MAPK8: variants seen among roughly 807,000 people sequenced by gnomAD.
MAPK8 encodes mitogen-activated protein kinase 8, also known as JUN N-terminal kinase.
MAPK8 carries 13 observed loss-of-function variants against 52.9 expected under a neutral mutation model. The observed-to-expected ratio is 0.25, with a 90% CI of 0.16 to 0.39. The LOEUF (loss-of-function observed/expected upper bound fraction) is 0.39. Among genes scored for constraint, MAPK8 ranks in the 10% least tolerant of loss-of-function variants. The pLI, the probability that MAPK8 is intolerant of heterozygous loss-of-function variation, is 1.00. For missense variants in MAPK8, 300 were observed against 519.2 expected (o/e 0.58, Z 4.10); for synonymous variants, 191 against 169.8 (o/e 1.12, Z -0.97).
chr10:48,350,609 A>C (rs773148781), intron 1 of MAPK8, among the ~76,000 whole-genome samples: 8 of 152,230 alleles, frequency 5.3e-5, no homozygotes, highest in Non-Finnish European at 1.0e-4. Flanking sequence ...TATTGATGGA[A>C]CTTATCTCAA....
chr10:48,364,316 T>A (rs1021986034), intron 1 of MAPK8, among the ~76,000 whole-genome samples: 9 of 152,116 alleles, frequency 5.9e-5, no homozygotes, highest in African/African-American at 2.2e-4. Flanking sequence ...CATTGGTATC[T>A]TGAGTTTTTG....
chr10:48,322,773 C>T (rs1448874965), intron 1 of MAPK8, among the ~76,000 whole-genome samples: 1 of 152,168 alleles, frequency 6.6e-6, no homozygotes, highest in Non-Finnish European at 1.5e-5. Context: ...GAAATGGCCC[C>T]GGATGCCAGA....
At chr10:48,383,181 A>G (rs2041116000) in intron 1 of MAPK8, among the ~76,000 whole-genome samples, 1 of 152,062 alleles carries the variant, frequency 6.6e-6, no homozygotes, top group Admixed American at 6.6e-5. Flanking sequence ...GACTTGACCA[A>G]GGATGCACAA....
At chr10:48,417,536 A>C (rs1023974780) in intron 5 of MAPK8, among the ~76,000 whole-genome samples, 8 of 152,172 alleles carry the variant, frequency 5.3e-5, no homozygotes, top group African/African-American at 1.7e-4. Flanking sequence ...CACTGCTCCA[A>C]ACTGTGGGTC....
intron 1 of MAPK8, among the ~76,000 whole-genome samples, chr10:48,346,554 G>T (rs1845803955): frequency 6.6e-6 from 1 of 152,266 alleles, no homozygotes; most frequent in East Asian, 1.9e-4. Flanking sequence ...GAAGCAGGGG[G>T]GAGGGTCTCC....
At chr10:48,357,541 T>C (rs1231367239) in intron 1 of MAPK8, among the ~76,000 whole-genome samples, 2 of 152,000 alleles carry the variant, frequency 1.3e-5, no homozygotes, top group East Asian at 3.9e-4. Flanking sequence ...GGACTATAGA[T>C]ACATGCCACC....
chr10:48,416,550 G>T (rs2043074301), intron 5 of MAPK8, among the ~76,000 whole-genome samples: 1 of 152,114 alleles, frequency 6.6e-6, no homozygotes, highest in African/African-American at 2.4e-5. Context: ...TCCAGGCATT[G>T]TTCCTCTTGG....
chr10:48,434,562 A>G (rs772462840), intron 11 of MAPK8, among the ~76,000 whole-genome samples: 1 of 152,210 alleles, frequency 6.6e-6, no homozygotes, highest in Non-Finnish European at 1.5e-5. Context: ...GTATTCACAC[A>G]TACCCTGAAG....
intron 5 of MAPK8, among the ~76,000 whole-genome samples, chr10:48,413,223 C>G (rs1196066999): frequency 1.3e-5 from 2 of 151,900 alleles, no homozygotes; most frequent in African/African-American, 2.4e-5. Flanking sequence ...CCACATTTAG[C>G]TCTTTTGAAA....
At chr10:48,426,901 T>G in intron 9 of MAPK8, 179 bp from the exon 10 acceptor site, 1 of 534,752 alleles carries the variant, frequency 1.9e-6, no homozygotes, top group Non-Finnish European at 3.3e-6. Flanking sequence ...ACATTTTATT[T>G]CCTGCAATGA....
At chr10:48,364,374 G>C (rs1236081995) in intron 1 of MAPK8, among the ~76,000 whole-genome samples, 1 of 151,602 alleles carries the variant, frequency 6.6e-6, no homozygotes, top group African/African-American at 2.4e-5. Flanking sequence ...GCTTATGTTT[G>C]TAACCAACCC....
intron 1 of MAPK8, among the ~76,000 whole-genome samples, chr10:48,379,928 A>G (rs1412310421): frequency 6.9e-6 from 1 of 145,826 alleles, no homozygotes; most frequent in Admixed American, 7.0e-5. Context: ...TTGGAGGGAA[A>G]CAAAGCTCTT....
At chr10:48,418,030 A>G (rs1277763861) in intron 5 of MAPK8, among the ~76,000 whole-genome samples, 3 of 152,212 alleles carry the variant, frequency 2.0e-5, no homozygotes, top group Admixed American at 6.5e-5. Context: ...AGACTCTGCC[A>G]TTGTAACACA....
chr10:48,330,522 A>G (rs888881941), intron 1 of MAPK8, among the ~76,000 whole-genome samples: 36 of 152,240 alleles, frequency 2.4e-4, no homozygotes, highest in African/African-American at 7.5e-4. Flanking sequence ...ATTTGCAGAA[A>G]TGTAGAACAA....
intron 1 of MAPK8, among the ~76,000 whole-genome samples, chr10:48,313,969 T>C (rs903154222): frequency 6.6e-6 from 1 of 151,278 alleles, no homozygotes; most frequent in Non-Finnish European, 1.5e-5. Context: ...GCCTGCTTTT[T>C]GTTTTAATAT....
chr10:48,322,257 G>A (rs1843069650), intron 1 of MAPK8, among the ~76,000 whole-genome samples: 1 of 151,824 alleles, frequency 6.6e-6, no homozygotes, highest in African/African-American at 2.4e-5. Context: ...ATTATGGAGT[G>A]AAGTATTTGA....
intron 1 of MAPK8, among the ~76,000 whole-genome samples, chr10:48,364,635 G>A (rs1323455956): frequency 6.6e-6 from 1 of 152,152 alleles, no homozygotes; most frequent in Non-Finnish European, 1.5e-5. Flanking sequence ...GGAATCAGAA[G>A]TTGCCTAGGA....
chr10:48,317,250 T>TG (rs1387003455), intron 1 of MAPK8, among the ~76,000 whole-genome samples: 1 of 152,180 alleles, frequency 6.6e-6, no homozygotes, highest in African/African-American at 2.4e-5. Context: ...CGTAGATCAC[T>TG]GCAGCCTTAA....
intron 7 of MAPK8, 144 bp downstream of exon 7, chr10:48,424,303 A>C (rs1272170199): frequency 3.7e-6 from 3 of 811,802 alleles, no homozygotes; most frequent in Non-Finnish European, 5.8e-6. Flanking sequence ...AAAATTGTTG[A>C]GATAAGAAGC....
Sources: gnomAD v4.1 joint callset for allele counts (sites outside exome capture counted in the v4.1 genomes callset) on GRCh38, gnomAD v4.1.1 for gene constraint, MANE v1.5 for transcripts, NCBI Gene and HGNC (gene_info 2026-07-23, HGNC 2026-07-21) for gene names.